The following RNFT2 variants were observed in gnomAD, a reference collection of about 807,000 sequenced individuals.
The protein encoded by RNFT2 is ring finger protein, transmembrane 2.
RNFT2 carries 36 observed loss-of-function variants against 53.0 expected under a neutral mutation model. The observed-to-expected ratio is 0.68, with a 90% CI of 0.52 to 0.90. The LOEUF (loss-of-function observed/expected upper bound fraction) is 0.90, where lower values mean the gene tolerates loss of function less well. RNFT2 is among the 40% of genes least tolerant of loss of function. RNFT2 has a pLI of 0.00. For missense variants in RNFT2, 514 were observed against 585.6 expected, an observed-to-expected ratio of 0.88 and a Z score of 1.26; for synonymous variants, 260 against 253.2, an observed-to-expected ratio of 1.03 and a Z score of -0.26.
intron 7 of RNFT2, among the ~76,000 whole-genome samples, chr12:116,798,057 G>T (rs563783383): frequency 5.9e-5 from 9 of 152,058 alleles, no homozygotes; most frequent in African/African-American, 2.2e-4. Flanking sequence ...GTCAAGTCCC[G>T]CCTGCTACCT....
At chr12:116,743,080 CAAAAAAA>C (rs10558117) in intron 3 of RNFT2, among the ~76,000 whole-genome samples, 7 of 49,416 alleles carry the variant, frequency 1.4e-4, no homozygotes, top group Non-Finnish European at 2.4e-4. Context: ...GACCCTATCT[CAAAAAAA>C]AAAAAAAAAA....
chr12:116,824,200 T>C (rs1876202367), intron 7 of RNFT2, among the ~76,000 whole-genome samples: 1 of 152,184 alleles, frequency 6.6e-6, no homozygotes, highest in South Asian at 2.1e-4. Context: ...ACATTTGTTA[T>C]GTATAGACTC....
chr12:116,849,194 A>C (rs1877772863), intron 10 of RNFT2, 120 bp from the exon 11 acceptor site: 2 of 712,138 alleles, frequency 2.8e-6, no homozygotes, highest in Non-Finnish European at 4.6e-6. Context: ...CCCCAACGCG[A>C]GTGCAGGCGC....
At chr12:116,756,463 G>A (rs1219317285) in intron 5 of RNFT2, among the ~76,000 whole-genome samples, 1 of 152,002 alleles carries the variant, frequency 6.6e-6, no homozygotes, top group East Asian at 1.9e-4. Context: ...TTGGCTGTGG[G>A]TTTATCATAG....
At chr12:116,774,749 A>G (rs1259395769) in intron 6 of RNFT2, among the ~76,000 whole-genome samples, 1 of 137,734 alleles carries the variant, frequency 7.3e-6, no homozygotes, top group Non-Finnish European at 1.6e-5. Context: ...CATTCAGTGC[A>G]TGGTCTAGAA....
At chr12:116,801,466 AAGTTCT>A (rs1392070570) in intron 7 of RNFT2, 5 of 152,308 alleles carry the variant, frequency 3.3e-5, no homozygotes, top group South Asian at 4.1e-4. Context: ...ACCTAGATTG[AAGTTCT>A]AGCTCCTTCT....
intron 7 of RNFT2, 21 bp from the exon 8 acceptor site, chr12:116,833,771 A>G: frequency 6.2e-7 from 1 of 1,611,096 alleles, no homozygotes; most frequent in Non-Finnish European, 8.5e-7. Context: ...ATAATAATTG[A>G]TGTTCTCTGT....
At chr12:116,798,893 G>A (rs530517308) in intron 7 of RNFT2, among the ~76,000 whole-genome samples, 2 of 152,176 alleles carry the variant, frequency 1.3e-5, no homozygotes, top group Non-Finnish European at 2.9e-5. Flanking sequence ...GTACCTACAT[G>A]TGTTAGTTTT....
At chr12:116,814,074 C>CGGAG (rs1875516694) in intron 7 of RNFT2, among the ~76,000 whole-genome samples, 1 of 152,144 alleles carries the variant, frequency 6.6e-6, no homozygotes, top group African/African-American at 2.4e-5. Context: ...TGACCCCAGC[C>CGGAG]CTCCCCGTGT....
intron 10 of RNFT2, among the ~76,000 whole-genome samples, chr12:116,840,741 G>A (rs1191860100): frequency 6.6e-6 from 1 of 152,198 alleles, no homozygotes; most frequent in Non-Finnish European, 1.5e-5. Context: ...AGATTGACAA[G>A]CTGCTGGGCA....
chr12:116,770,448 C>T (rs1331030979), intron 6 of RNFT2, among the ~76,000 whole-genome samples: 1 of 152,192 alleles, frequency 6.6e-6, no homozygotes, highest in Non-Finnish European at 1.5e-5. Context: ...ATGTGTTTCT[C>T]AGAACATGTC....
intron 6 of RNFT2, among the ~76,000 whole-genome samples, chr12:116,777,791 T>C (rs1266888249): frequency 2.6e-5 from 4 of 152,192 alleles, no homozygotes; most frequent in South Asian, 2.1e-4. Flanking sequence ...ATGAGAACCC[T>C]GAGGCTTCCA....
chr12:116,837,535 G>T (rs548299405), intron 10 of RNFT2, among the ~76,000 whole-genome samples: 8 of 152,226 alleles, frequency 5.3e-5, no homozygotes, highest in African/African-American at 1.9e-4. Flanking sequence ...TGTTGCTGTT[G>T]TTATTGCTGT....
In RNFT2 at chr12:116,749,879, A is replaced by C; in HGVS notation, c.122A>C (p.Asp41Ala). 4 of 1,589,536 alleles carry C rather than the reference A, an allele frequency of 2.5e-6. No individual in the cohort carries two copies. Among genetic ancestry groups the C allele is most frequent in the Non-Finnish European group, 3.4e-6 (4 of 1,167,950 alleles). Residue 41 changes from aspartate to alanine, a missense_variant, in exon 4 of 11, where the codon GAT becomes GCT. Physicochemically the swap from Asp to Ala is moderately radical, Grantham distance 126 (BLOSUM62 -2). Transcript: ENST00000257575. The stretch of plus-strand genomic sequence containing the variant: ...GCGCTCAGCTCCGAGGCGAGTGTGG[A>C]TGAAGGTGGCGTCTTTGAGAGTCTG... ...SQALSSEASV[D>A]EGGVFESLKA... is the part of the protein sequence containing the mutation.
rs775396476 is a variant in RNFT2 at position 116,750,164 on chromosome 12, G to T, written c.407G>T (p.Gly136Val). The T allele has an allele frequency of 1.3e-6, 2 of 1,592,036 alleles. No individual in the cohort carries two copies. Among genetic ancestry groups the T allele is most frequent in the South Asian group, 1.1e-5 (1 of 88,908 alleles). ...CAGCACGTGGGTGGGGACCACCGGGGGCACTCGGAGGAGGGAGGCGACGAG... is the reference window on the plus strand; with the variant it reads ...CAGCACGTGGGTGGGGACCACCGGGTGCACTCGGAGGAGGGAGGCGACGAG... ...LLQHVGGDHR[G>V]HSEEGGDEQP... Residue 136 changes from glycine (G) to valine (V), a missense_variant, in exon 4 of 11, where the codon GGG becomes GTG. Coordinates refer to ENST00000257575, the MANE Select transcript of RNFT2 (RefSeq NM_001382266.1).
intron 4 of RNFT2, among the ~76,000 whole-genome samples, chr12:116,751,788 C>T (rs1300652182): frequency 6.6e-6 from 1 of 150,810 alleles, no homozygotes; most frequent in Non-Finnish European, 1.5e-5. Context: ...GAGATGGAGT[C>T]TCACTCTGTC....
intron 3 of RNFT2, 36 bp from the exon 4 acceptor site, chr12:116,749,805 C>T (rs1380533100): frequency 1.3e-6 from 2 of 1,544,214 alleles, no homozygotes; most frequent in African/African-American, 1.4e-5. Flanking sequence ...TTCCATCTGC[C>T]TGACTTCCTG....
Position 116,750,168 on chromosome 12 carries a change from C to G in RNFT2, c.411C>G (p.His137Gln). Residue 137 changes from histidine to glutamine, a missense_variant, in exon 4 of 11, where the codon CAC becomes CAG. This residue lies in a region of RNFT2 where 237 missense variants were observed against 235.1 expected (regional missense o/e 1.01). Transcript: ENST00000257575. ...ACGTGGGTGGGGACCACCGGGGGCACTCGGAGGAGGGAGGCGACGAGCAGC... is the reference window on the plus strand; with the variant it reads ...ACGTGGGTGGGGACCACCGGGGGCAGTCGGAGGAGGGAGGCGACGAGCAGC... ...LQHVGGDHRG[H>Q]SEEGGDEQPG... is the part of the protein sequence containing the mutation. 1 of 1,593,606 alleles carries G rather than the reference C, an allele frequency of 6.3e-7. No homozygotes were observed. Among genetic ancestry groups the G allele is most frequent in the Non-Finnish European group, 8.5e-7 (1 of 1,175,184 alleles).
chr12:116,849,591 C>T lies in RNFT2; in HGVS notation c.*143C>T, dbSNP rs1180644271. On this transcript the variant is annotated 3_prime_UTR_variant, in exon 11 of 11. Transcript: ENST00000257575. ...CCACCTCTGACCCCAAAGTCCCGCC[C>T]CTGTCTTGTCCTTCTGACCTTCATC... 1 of 1,410,592 alleles carries T rather than the reference C, an allele frequency of 7.1e-7. No homozygotes were observed. Among genetic ancestry groups the T allele is most frequent in the Non-Finnish European group, 9.3e-7 (1 of 1,080,632 alleles). 87.4% of individuals were successfully genotyped at this position (1,410,592 alleles called of 1,614,324 possible). A position where few individuals can be genotyped will look rare whatever the true frequency, so the allele number is the denominator to read the frequency against.
Sources: allele counts gnomAD v4.1 joint callset (sites outside exome capture counted in the v4.1 genomes callset), GRCh38; gene constraint gnomAD v4.1.1; regional missense constraint gnomAD v4.1.1; transcripts MANE v1.5; gene names NCBI Gene and HGNC (gene_info 2026-07-23, HGNC 2026-07-21).